Variants in FHOD3 observed in about 807,000 individuals in gnomAD.
FHOD3 encodes the protein formin homology 2 domain containing 3.
FHOD3 carries 90 observed loss-of-function variants against 173.0 expected under a neutral mutation model. The observed-to-expected ratio is 0.52, with a 90% CI of 0.44 to 0.62. FHOD3 has a LOEUF of 0.62. FHOD3 is among the 20% of genes least tolerant of loss of function. FHOD3 has a pLI of 0.00. For missense variants in FHOD3, 1,945 were observed against 2,034.7 expected, an observed-to-expected ratio of 0.96 and a Z score of 0.85; for synonymous variants, 828 against 823.0, an observed-to-expected ratio of 1.01 and a Z score of -0.10.
intron 1 of FHOD3, among the ~76,000 whole-genome samples, chr18:36,313,936 T>A (rs1301363550): frequency 6.6e-6 from 1 of 150,922 alleles, no homozygotes; most frequent in African/African-American, 2.4e-5. Flanking sequence ...CAGGCTGGAG[T>A]GCGGTGGCAT....
At chr18:36,529,414 G>T (rs76952997) in intron 5 of FHOD3, among the ~76,000 whole-genome samples, 3 of 152,120 alleles carry the variant, frequency 2.0e-5, no homozygotes, top group Non-Finnish European at 4.4e-5. Flanking sequence ...CAGAAGAGAG[G>T]CTTCATTGAA....
At position 36,718,364 on chromosome 18, in the gene FHOD3, T is replaced by TCAC; in HGVS notation, c.3067_3068insACC (p.Pro1022_Pro1023insHis). ...GTCACAGGGAGGCCCCTGGGCCACC[T>TCAC]CCCCCACCCCCACCCACCTTTCTGG... is the stretch of plus-strand genomic sequence containing the variant. On this transcript the variant is annotated inframe_insertion, in exon 19 of 29. Coordinates refer to ENST00000590592, the MANE Select transcript of FHOD3 (RefSeq NM_001281740.3). 1 of 1,312,966 alleles carries TCAC rather than the reference T, an allele frequency of 7.6e-7. No individual in the cohort carries two copies. The highest frequency in any genetic ancestry group is 1.0e-6 in the Non-Finnish European group (1 of 972,970). The allele number at this position is 1,312,966 out of a possible 1,614,324, so 81.3% of individuals were successfully genotyped here. A position where few individuals can be genotyped will look rare whatever the true frequency, so the allele number is the denominator to read the frequency against.
chr18:36,577,511 G>C (rs923230637), intron 6 of FHOD3, among the ~76,000 whole-genome samples: 2 of 152,148 alleles, frequency 1.3e-5, no homozygotes, highest in Admixed American at 1.3e-4. Flanking sequence ...ATGTTGGCCA[G>C]TCTGGTCTTG....
intron 7 of FHOD3, among the ~76,000 whole-genome samples, chr18:36,598,738 A>G (rs1051000658): frequency 2.6e-5 from 4 of 152,028 alleles, no homozygotes; most frequent in Admixed American, 6.6e-5. Context: ...TTTAGTAGAG[A>G]CTGGGTTTCA....
chr18:36,357,851 G>T (rs964406254), intron 2 of FHOD3, among the ~76,000 whole-genome samples: 2 of 152,234 alleles, frequency 1.3e-5, no homozygotes, highest in East Asian at 1.9e-4. Flanking sequence ...TGAGGACCTT[G>T]TCCTCGTTTT....
At chr18:36,686,875 TTAG>T (rs1329620591) in intron 15 of FHOD3, among the ~76,000 whole-genome samples, 2 of 152,226 alleles carry the variant, frequency 1.3e-5, no homozygotes, top group African/African-American at 2.4e-5. Context: ...CAACAAGTAA[TTAG>T]TAGTGTTTCT....
intron 5 of FHOD3, among the ~76,000 whole-genome samples, chr18:36,571,511 A>G (rs1371991277): frequency 1.3e-5 from 2 of 152,264 alleles, no homozygotes; most frequent in Non-Finnish European, 2.9e-5. Context: ...GTTGATTTAG[A>G]CAAGCTGCTT....
At chr18:36,592,180 C>T (rs2059240583) in intron 6 of FHOD3, among the ~76,000 whole-genome samples, 1 of 152,180 alleles carries the variant, frequency 6.6e-6, no homozygotes, top group Non-Finnish European at 1.5e-5. Flanking sequence ...GATTGCACCA[C>T]TTGCCTCCAG....
chr18:36,315,977 C>T (rs2044097524), intron 1 of FHOD3, among the ~76,000 whole-genome samples: 1 of 152,086 alleles, frequency 6.6e-6, no homozygotes, highest in African/African-American at 2.4e-5. Context: ...GCTGAGACAG[C>T]CATGAGTAAG....
intron 26 of FHOD3, 134 bp from the exon 27 acceptor site, chr18:36,760,474 A>G (rs1454184733): frequency 1.3e-6 from 1 of 748,532 alleles, no homozygotes; most frequent in Non-Finnish European, 2.0e-6. Flanking sequence ...AACTTCAGTG[A>G]CTGCCGTAAT....
intron 3 of FHOD3, among the ~76,000 whole-genome samples, chr18:36,401,388 C>G (rs1307597861): frequency 6.6e-6 from 1 of 152,130 alleles, no homozygotes; most frequent in Non-Finnish European, 1.5e-5. Flanking sequence ...GAACAGTGAG[C>G]AATACATTTC....
chr18:36,366,762 G>GGAGTGCCAGTT (rs1339387291), intron 2 of FHOD3, among the ~76,000 whole-genome samples: 1 of 152,204 alleles, frequency 6.6e-6, no homozygotes, highest in Non-Finnish European at 1.5e-5. Context: ...TCCCTGAGAT[G>GGAGTGCCAGTT]GAGTGCCAGT....
At chr18:36,464,578 A>G (rs1211497947) in intron 3 of FHOD3, among the ~76,000 whole-genome samples, 1 of 152,184 alleles carries the variant, frequency 6.6e-6, no homozygotes, top group African/African-American at 2.4e-5. Flanking sequence ...CACTTAAGAG[A>G]CATTGCACTT....
intron 3 of FHOD3, among the ~76,000 whole-genome samples, chr18:36,456,104 C>A (rs1326433177): frequency 6.6e-6 from 1 of 152,118 alleles, no homozygotes. Flanking sequence ...GTTAATGGGG[C>A]TTCTGTTCCT....
intron 3 of FHOD3, among the ~76,000 whole-genome samples, chr18:36,404,107 G>A (rs751082845): frequency 6.6e-6 from 1 of 152,186 alleles, no homozygotes; most frequent in Non-Finnish European, 1.5e-5. Context: ...TCTGCTCCCT[G>A]AGGGTTTGGG....
intron 3 of FHOD3, among the ~76,000 whole-genome samples, chr18:36,433,866 A>C (rs2050679494): frequency 6.6e-6 from 1 of 152,206 alleles, no homozygotes; most frequent in South Asian, 2.1e-4. Context: ...ACATTCAGAA[A>C]AATGCACCCA....
At chr18:36,459,124 A>T (rs993125909) in intron 3 of FHOD3, among the ~76,000 whole-genome samples, 1 of 147,546 alleles carries the variant, frequency 6.8e-6, no homozygotes, top group African/African-American at 2.5e-5. Flanking sequence ...TATACTCTCC[A>T]GCACTGTCTA....
chr18:36,612,814 G>T (rs1034962682), intron 9 of FHOD3, among the ~76,000 whole-genome samples: 1 of 152,118 alleles, frequency 6.6e-6, no homozygotes, highest in Non-Finnish European at 1.5e-5. Context: ...CGTGTATTTT[G>T]TTCTTACCAA....
chr18:36,445,975 C>G (rs1245283198), intron 3 of FHOD3, among the ~76,000 whole-genome samples: 1 of 152,172 alleles, frequency 6.6e-6, no homozygotes, highest in East Asian at 1.9e-4. Context: ...TTGTTGCATC[C>G]AAATCAGTAG....
Sources: gnomAD v4.1 joint callset for allele counts (sites outside exome capture counted in the v4.1 genomes callset) on GRCh38, gnomAD v4.1.1 for gene constraint, MANE v1.5 for transcripts, NCBI Gene and HGNC (gene_info 2026-07-23, HGNC 2026-07-21) for gene names.